RAPGEF4: variants seen among roughly 807,000 people sequenced by gnomAD.
The protein encoded by RAPGEF4 is Rap guanine nucleotide exchange factor 4, also known as RAP guanine-nucleotide-exchange factor (GEF) 4.
Under a neutral mutation model 147.9 loss-of-function variants are expected in RAPGEF4, and 66 were observed. The observed-to-expected ratio is 0.45, with a 90% CI of 0.37 to 0.55. The LOEUF is 0.55. Ranked by LOEUF, RAPGEF4 falls within the 20% of genes least tolerant of loss-of-function variation. The pLI is 0.00. For synonymous variants in RAPGEF4, 419 were observed against 442.7 expected, an observed-to-expected ratio of 0.95 and a Z score of 0.67; for missense variants, 1,071 against 1,257.3, an observed-to-expected ratio of 0.85 and a Z score of 2.24.
intron 29 of RAPGEF4, among the ~76,000 whole-genome samples, chr2:173,047,448 T>G (rs1309462840): frequency 1.3e-5 from 2 of 152,200 alleles, no homozygotes; most frequent in African/African-American, 4.8e-5. Context: ...TTTTAAAAAA[T>G]GTTTTAAAAT....
At chr2:172,763,654 T>C (rs1444326000) in intron 1 of RAPGEF4, among the ~76,000 whole-genome samples, 49 of 152,194 alleles carry the variant, frequency 3.2e-4, no homozygotes, top group Admixed American at 3.2e-3. Flanking sequence ...TGTACATGAA[T>C]TGTGAATTAA....
chr2:173,024,302 C>T (rs1018842167), intron 23 of RAPGEF4, among the ~76,000 whole-genome samples: 1 of 140,596 alleles, frequency 7.1e-6, no homozygotes, highest in African/African-American at 2.5e-5. Flanking sequence ...ACTGCAAGCT[C>T]CGCCTCCCGG....
At chr2:172,741,059 T>C (rs1249575482) in intron 1 of RAPGEF4, among the ~76,000 whole-genome samples, 1 of 152,202 alleles carries the variant, frequency 6.6e-6, no homozygotes, top group Non-Finnish European at 1.5e-5. Context: ...TCTTCTGGCC[T>C]GTACAGGAGT....
intron 4 of RAPGEF4, among the ~76,000 whole-genome samples, chr2:172,820,441 A>G (rs892544191): frequency 6.6e-6 from 1 of 152,216 alleles, no homozygotes. Context: ...CAATGTTTTC[A>G]ATTTGTAGTC....
At chr2:172,819,676 A>G (rs367570844) in intron 4 of RAPGEF4, among the ~76,000 whole-genome samples, 1,548 of 151,784 alleles carry the variant, frequency 0.01, 25 homozygotes, top group African/African-American at 0.035. Context: ...CGTTTTAGCC[A>G]GGATGGTCTC....
At chr2:172,903,796 A>G (rs546084892) in intron 4 of RAPGEF4, among the ~76,000 whole-genome samples, 1 of 152,312 alleles carries the variant, frequency 6.6e-6, no homozygotes, top group East Asian at 1.9e-4. Flanking sequence ...GTCAGAAAAT[A>G]AACTGAGAAA....
chr2:172,917,583 C>T (rs1177070846), intron 4 of RAPGEF4: 2 of 683,898 alleles, frequency 2.9e-6, no homozygotes, highest in East Asian at 5.5e-5. Context: ...AGATAGAACC[C>T]CTGCCCCCGG....
chr2:172,929,591 GTTTTC>G (rs1282013723), intron 6 of RAPGEF4, among the ~76,000 whole-genome samples: 3 of 152,066 alleles, frequency 2.0e-5, no homozygotes, highest in African/African-American at 4.8e-5. Flanking sequence ...GTTTAATTTA[GTTTTC>G]TTTTCTATTT....
chr2:173,029,211 G>T (rs1370591867), intron 25 of RAPGEF4, among the ~76,000 whole-genome samples: 1 of 152,146 alleles, frequency 6.6e-6, no homozygotes, highest in African/African-American at 2.4e-5. Flanking sequence ...GACAATTTAA[G>T]AATTACTCTT....
chr2:172,806,406 G>A (rs1014878610), intron 3 of RAPGEF4, among the ~76,000 whole-genome samples: 6 of 152,148 alleles, frequency 3.9e-5, no homozygotes, highest in African/African-American at 1.2e-4. Flanking sequence ...AAATTCTATT[G>A]CCACTTAATT....
At chr2:172,883,778 C>T (rs915780406) in intron 4 of RAPGEF4, among the ~76,000 whole-genome samples, 6 of 152,016 alleles carry the variant, frequency 3.9e-5, no homozygotes, top group African/African-American at 1.4e-4. Flanking sequence ...CTTGTGTGGT[C>T]CTTGGGACCA....
At chr2:172,917,324 C>T (rs1184261170) in intron 4 of RAPGEF4, 4 of 399,234 alleles carry the variant, frequency 1.0e-5, no homozygotes, top group African/African-American at 8.3e-5. Flanking sequence ...TAAATGGAAG[C>T]GAATCAGCTT....
chr2:173,003,573 A>G (rs886281244), intron 17 of RAPGEF4, among the ~76,000 whole-genome samples: 11 of 152,336 alleles, frequency 7.2e-5, no homozygotes, highest in Middle Eastern at 3.4e-3. Flanking sequence ...GGTTAGTATT[A>G]GCTTTGTGTT....
intron 4 of RAPGEF4, among the ~76,000 whole-genome samples, chr2:172,868,030 TA>T (rs1211840694): frequency 6.6e-6 from 1 of 152,210 alleles, no homozygotes; most frequent in Non-Finnish European, 1.5e-5. Context: ...GTAGTTAAAT[TA>T]ATCCAAAATT....
chr2:172,831,381 G>T (rs549946685), intron 4 of RAPGEF4, among the ~76,000 whole-genome samples: 2 of 143,516 alleles, frequency 1.4e-5, no homozygotes, highest in African/African-American at 5.1e-5. Context: ...CAATTCTCCC[G>T]CCTCAGCCTC....
intron 4 of RAPGEF4, among the ~76,000 whole-genome samples, chr2:172,902,064 G>A (rs562795283): frequency 6.6e-6 from 1 of 152,252 alleles, no homozygotes; most frequent in Non-Finnish European, 1.5e-5. Flanking sequence ...AATTGGCAAG[G>A]GCAAGTGGCA....
At chr2:172,834,985 G>T (rs952461512) in intron 4 of RAPGEF4, among the ~76,000 whole-genome samples, 5 of 152,032 alleles carry the variant, frequency 3.3e-5, no homozygotes, top group African/African-American at 1.2e-4. Context: ...GCCCTCTGAG[G>T]CTTCTGAGCT....
chr2:173,029,673 T>C lies in RAPGEF4; in HGVS notation c.2559-491T>C, dbSNP rs905969647. ...GCCTATAGAGATCACACCTTATAAG[T>C]TGATATTTTTCAACAAACAAGTAGC... On this transcript the variant is annotated intron_variant, in intron 25 of 30. Transcript: ENST00000397081. 2.0e-5 allele frequency among the ~76,000 whole-genome samples: 3 copies of C among 152,136 alleles called. No individual in the cohort carries two copies. In the East Asian group the frequency reaches 5.8e-4, roughly 29 times the overall value.
intron 17 of RAPGEF4, among the ~76,000 whole-genome samples, chr2:173,007,979 C>T (rs1387429221): frequency 6.6e-6 from 1 of 152,176 alleles, no homozygotes; most frequent in Non-Finnish European, 1.5e-5. Flanking sequence ...CTCTATGTCC[C>T]CACCCAAATC....
Sources: allele counts gnomAD v4.1 joint callset (sites outside exome capture counted in the v4.1 genomes callset), GRCh38; gene constraint gnomAD v4.1.1; transcripts MANE v1.5; gene names NCBI Gene and HGNC (gene_info 2026-07-23, HGNC 2026-07-21).